The following DENND4A variants were observed in gnomAD, a reference collection of about 807,000 sequenced individuals.
The protein encoded by DENND4A is C-myc promoter-binding protein.
A neutral mutation model predicts 199.3 loss-of-function variants in DENND4A; 70 were observed. The observed-to-expected ratio is 0.35, with a 90% confidence interval of 0.29 to 0.43. The LOEUF (loss-of-function observed/expected upper bound fraction) is 0.43, where lower values mean the gene tolerates loss of function less well. Ranked by LOEUF, DENND4A falls within the 20% of genes least tolerant of loss-of-function variation. The pLI is 1.00. For synonymous variants in DENND4A, 686 were observed against 766.9 expected (o/e 0.89, Z 1.74); for missense variants, 1,723 against 2,255.8 (o/e 0.76, Z 4.78).
intron 24 of DENND4A, among the ~76,000 whole-genome samples, chr15:65,672,869 AT>A (rs71447853): frequency 2.7e-4 from 40 of 146,260 alleles, no homozygotes; most frequent in Non-Finnish European, 2.3e-4. Context: ...GAGTACTGGT[AT>A]TTTTTTTTTT....
intron 11 of DENND4A, chr15:65,727,912 C>A: frequency 3.9e-6 from 1 of 258,330 alleles, no homozygotes; most frequent in Non-Finnish European, 7.6e-6. Flanking sequence ...CCCTTGCATC[C>A]CTAGGGTGTA....
At chr15:65,678,996 TCTTA>T (rs1305513127) in intron 23 of DENND4A, among the ~76,000 whole-genome samples, 10 of 150,756 alleles carry the variant, frequency 6.6e-5, no homozygotes, top group African/African-American at 2.4e-4. Context: ...GGGCTTTATC[TCTTA>T]CTTCTTTTCC....
At chr15:65,685,199 T>G (rs971986025) in intron 23 of DENND4A, among the ~76,000 whole-genome samples, 2 of 151,814 alleles carry the variant, frequency 1.3e-5, no homozygotes, top group African/African-American at 4.8e-5. Context: ...CAATCTCAGC[T>G]CACCGCAAGC....
intron 12 of DENND4A, among the ~76,000 whole-genome samples, chr15:65,721,365 T>C (rs943135050): frequency 4.6e-5 from 7 of 152,034 alleles, no homozygotes; most frequent in Non-Finnish European, 8.8e-5. Flanking sequence ...TCCATGTCTA[T>C]TTCCAACTAC....
chr15:65,744,141 T>C (rs770141234), intron 4 of DENND4A, among the ~76,000 whole-genome samples: 1 of 152,088 alleles, frequency 6.6e-6, no homozygotes, highest in Non-Finnish European at 1.5e-5. Context: ...AGAGGTCAGA[T>C]TCTGGGTATA....
intron 21 of DENND4A, 95 bp from the exon 22 acceptor site, chr15:65,696,592 G>T: frequency 2.4e-6 from 2 of 826,840 alleles, no homozygotes; most frequent in Non-Finnish European, 3.7e-6. Context: ...ATTTTTACTT[G>T]AAAATAGGTG....
chr15:65,722,641 C>T (rs1034766917), intron 12 of DENND4A, among the ~76,000 whole-genome samples: 5 of 148,360 alleles, frequency 3.4e-5, no homozygotes, highest in African/African-American at 7.5e-5. Flanking sequence ...GGCAACAGAG[C>T]GAGACTCCGT....
Position 65,788,854 on chromosome 15 carries a change from TAAAAAAAA to T in DENND4A, c.-102+3148_-102+3155del, listed in dbSNP as rs34831088. Among the ~76,000 whole-genome samples the T allele has an allele frequency of 7.4e-3, 761 of 102,364 alleles. 9 individuals carry two copies. The highest frequency in any genetic ancestry group is 0.026 in the African/African-American group (669 of 25,840). 67.2% of individuals were successfully genotyped at this position (102,364 alleles called of 152,430 possible). On this transcript the variant is annotated intron_variant, in intron 1 of 32. Transcript: ENST00000443035. ...TGGGTGACAGAGCCAGGACTTGTCT[TAAAAAAAA>T]AAAAAAAAAAAAAAAGTAATAATTA...
intron 18 of DENND4A, 66 bp downstream of exon 18, chr15:65,701,696 T>G (rs16948954): frequency 1.4e-6 from 2 of 1,457,304 alleles, no homozygotes; most frequent in Non-Finnish European, 1.9e-6. Flanking sequence ...GCATAAATTA[T>G]TTCTGCCATT....
chr15:65,664,548 A>T lies in DENND4A; in HGVS notation c.5522+12T>A. 6.2e-7 allele frequency: 1 copy of T among 1,608,520 alleles called. No homozygotes were observed. The highest frequency in any genetic ancestry group is 1.1e-5 in the South Asian group (1 of 90,636). ...TAGGAGAACAATATATTCGTCTAAG[A>T]GAAGGACTTACCTCTGTCTTTTAAA... On this transcript the variant is annotated intron_variant, in intron 31 of 32. Transcript: ENST00000443035.
chr15:65,719,543 T>C (rs1485958897), intron 12 of DENND4A, among the ~76,000 whole-genome samples: 1 of 152,064 alleles, frequency 6.6e-6, no homozygotes, highest in East Asian at 1.9e-4. Flanking sequence ...CGATCTGATA[T>C]AAGGACGCAA....
At chr15:65,779,913 T>A (rs920598827) in intron 1 of DENND4A, among the ~76,000 whole-genome samples, 2 of 152,034 alleles carry the variant, frequency 1.3e-5, no homozygotes, top group East Asian at 3.9e-4. Context: ...ATTTATTTAT[T>A]TATTTTTGGA....
chr15:65,721,781 G>T (rs1316353393), intron 12 of DENND4A, among the ~76,000 whole-genome samples: 1 of 151,594 alleles, frequency 6.6e-6, no homozygotes, highest in East Asian at 2.0e-4. Flanking sequence ...GTCAAATACT[G>T]CTATACCACT....
rs2074905168 is a variant in DENND4A at position 65,702,390 on chromosome 15, A to C, written c.2345T>G (p.Val782Gly). The C allele has an allele frequency of 6.4e-7, 1 of 1,562,296 alleles. No homozygotes were observed. Among genetic ancestry groups the C allele is most frequent in the East Asian group, 2.4e-5 (1 of 41,906 alleles). ...CAGAGCCCTGACTTTTGAATGACAG[A>C]CTTTCACATAAGCTGGGAGACAAAT... is the stretch of plus-strand genomic sequence containing the variant. ...WFICLPAYVKVCHSKVRALKT... is the reference protein window; with the variant it reads ...WFICLPAYVKGCHSKVRALKT... Residue 782 changes from valine (V) to glycine (G), a missense_variant, in exon 17 of 33, where the codon GTC becomes GGC. By Grantham distance (109) the Val-to-Gly change is moderately radical. Around this residue, in one of 6 missense-constraint regions of DENND4A, gnomAD observed 725 missense variants for 952.9 expected, o/e 0.76. Coordinates refer to ENST00000443035, the MANE Select transcript of DENND4A (RefSeq NM_001320835.1).
intron 1 of DENND4A, among the ~76,000 whole-genome samples, chr15:65,764,694 C>T (rs368013521): frequency 1.4e-4 from 21 of 151,730 alleles, no homozygotes; most frequent in African/African-American, 5.1e-4. Context: ...TAACAAGTGG[C>T]CAGGCACAGT....
intron 7 of DENND4A, among the ~76,000 whole-genome samples, chr15:65,736,638 C>A (rs1314967729): frequency 6.6e-6 from 1 of 152,010 alleles, no homozygotes; most frequent in Non-Finnish European, 1.5e-5. Flanking sequence ...CTGTAAGAAA[C>A]CAGCATTTGT....
intron 2 of DENND4A, among the ~76,000 whole-genome samples, chr15:65,758,046 G>A (rs963165814): frequency 7.2e-5 from 11 of 152,078 alleles, no homozygotes; most frequent in African/African-American, 2.7e-4. Context: ...AGTTCTTGAG[G>A]GTACAGCCTC....
At chr15:65,744,670 A>T (rs1159556801) in intron 4 of DENND4A, among the ~76,000 whole-genome samples, 1 of 152,186 alleles carries the variant, frequency 6.6e-6, no homozygotes, top group Non-Finnish European at 1.5e-5. Flanking sequence ...GTTTACTTAC[A>T]TAAGACTAAG....
At chr15:65,683,042 A>G (rs560097259) in intron 23 of DENND4A, among the ~76,000 whole-genome samples, 1 of 152,222 alleles carries the variant, frequency 6.6e-6, no homozygotes, top group Non-Finnish European at 1.5e-5. Context: ...AAATATTGCA[A>G]GAATTACCAA....
Sources: gnomAD v4.1 joint callset for allele counts (sites outside exome capture counted in the v4.1 genomes callset) on GRCh38, gnomAD v4.1.1 for gene constraint, gnomAD v4.1.1 regional missense constraint, MANE v1.5 for transcripts, NCBI Gene and HGNC (gene_info 2026-07-23, HGNC 2026-07-21) for gene names.